The following SKIC8 variants were observed in gnomAD, a reference collection of about 807,000 sequenced individuals.
SKIC8 encodes SKI8 subunit of superkiller complex.
the SKIC8 span, chr15:78,295,438 T>G: frequency 1.5e-6 from 1 of 650,874 alleles, no homozygotes; most frequent in Admixed American, 2.4e-5. Context: ...CTTTTAAGCT[T>G]CTTCTATTAC....
At chr15:78,288,126 A>G in the SKIC8 span, among the ~76,000 whole-genome samples, 3 of 152,142 alleles carry the variant, frequency 2.0e-5, no homozygotes, top group Non-Finnish European at 4.4e-5. Context: ...GAGGACACAC[A>G]CTAAAAATGG....
At chr15:78,288,155 C>T in the SKIC8 span, 1 of 844,606 alleles carries the variant, frequency 1.2e-6, no homozygotes, top group Non-Finnish European at 1.8e-6. Flanking sequence ...CGGGGGAGGA[C>T]CGCCTGGGGA....
chr15:78,293,329 G>T, the SKIC8 span: 1 of 1,462,750 alleles, frequency 6.8e-7, no homozygotes, highest in Non-Finnish European at 9.6e-7. Context: ...TAATGAAGCC[G>T]AGATACTGTT....
the SKIC8 span, among the ~76,000 whole-genome samples, chr15:78,297,408 T>C: frequency 6.6e-6 from 1 of 152,094 alleles, no homozygotes. Context: ...CAAATTTTAG[T>C]AAGTAGGTGA....
chr15:78,292,815 T>G, the SKIC8 span: 3 of 1,609,966 alleles, frequency 1.9e-6, no homozygotes, highest in Non-Finnish European at 2.5e-6. Context: ...AGAAATGGAT[T>G]TCTTCACAAA....
At chr15:78,289,693 AG>A in the SKIC8 span, 1 of 1,614,166 alleles carries the variant, frequency 6.2e-7, no homozygotes, top group Admixed American at 1.7e-5. Flanking sequence ...TCCACTGGCT[AG>A]GTATTTCCCA....
the SKIC8 span, chr15:78,292,466 T>C: frequency 1.2e-6 from 1 of 801,734 alleles, no homozygotes; most frequent in South Asian, 1.7e-5. Flanking sequence ...CCAGCCCCAC[T>C]GAGGGTATTA....
At chr15:78,291,730 G>A in the SKIC8 span, 1 of 152,208 alleles carries the variant, frequency 6.6e-6, no homozygotes, top group African/African-American at 2.4e-5. Context: ...TAACTGGCGG[G>A]AGGCGAATCC....
At chr15:78,290,729 A>T in the SKIC8 span, 1 of 152,152 alleles carries the variant, frequency 6.6e-6, no homozygotes. Flanking sequence ...GGACCAAATA[A>T]CTGTTGGCTG....
At chr15:78,290,096 T>A in the SKIC8 span, 1 of 1,609,704 alleles carries the variant, frequency 6.2e-7, no homozygotes, top group East Asian at 2.2e-5. Flanking sequence ...AGTCCAGGCA[T>A]CCACTGAACA....
chr15:78,290,084 A>C, the SKIC8 span: 1 of 1,614,070 alleles, frequency 6.2e-7, no homozygotes, highest in African/African-American at 1.3e-5. Context: ...AGAAAAGGCC[A>C]AAGTCCAGGC....
At chr15:78,289,829 C>G in the SKIC8 span, 1 of 1,532,818 alleles carries the variant, frequency 6.5e-7, no homozygotes, top group Non-Finnish European at 8.9e-7. Context: ...ACTTGGCAAA[C>G]CACACCAGTG....
chr15:78,289,806 G>A, the SKIC8 span: 1 of 1,509,656 alleles, frequency 6.6e-7, no homozygotes, highest in Non-Finnish European at 9.2e-7. Context: ...GCTATCTACA[G>A]GTCTAACTGG....
the SKIC8 span, among the ~76,000 whole-genome samples, chr15:78,289,193 A>C: frequency 6.6e-6 from 1 of 152,102 alleles, no homozygotes; most frequent in African/African-American, 2.4e-5. Flanking sequence ...AGCAGGAAGA[A>C]ATCTTGAAGC....
chr15:78,291,445 T>C, the SKIC8 span, among the ~76,000 whole-genome samples: 8 of 152,168 alleles, frequency 5.3e-5, no homozygotes, highest in African/African-American at 1.9e-4. Context: ...TAAGGGTACA[T>C]GTAAAGACAA....
the SKIC8 span, chr15:78,289,572 T>C: frequency 4.3e-6 from 6 of 1,381,514 alleles, 1 homozygote; most frequent in African/African-American, 5.7e-5. Context: ...AATTCTTCCT[T>C]TGTGATTTGA....
chr15:78,289,626 G>T, the SKIC8 span: 7 of 1,611,036 alleles, frequency 4.3e-6, no homozygotes, highest in South Asian at 1.1e-5. Flanking sequence ...TACCTTCCAG[G>T]GTATGCAGAA....
the SKIC8 span, among the ~76,000 whole-genome samples, chr15:78,287,234 A>G: frequency 6.6e-6 from 1 of 152,156 alleles, no homozygotes; most frequent in African/African-American, 2.4e-5. Context: ...AATGTAAGGA[A>G]CTGCTGCATT....
chr15:78,295,001 C>T, the SKIC8 span: 1 of 1,614,012 alleles, frequency 6.2e-7, no homozygotes, highest in South Asian at 1.1e-5. Flanking sequence ...CCACATTAAA[C>T]CCATGGTCAG....
Sources: allele counts gnomAD v4.1 joint callset (sites outside exome capture counted in the v4.1 genomes callset), GRCh38; gene constraint gnomAD v4.1.1; transcripts MANE v1.5; gene names NCBI Gene and HGNC (gene_info 2026-07-23, HGNC 2026-07-21).